The following ATCAY variants were observed in gnomAD, a reference collection of about 807,000 sequenced individuals.
ATCAY encodes caytaxin.
Under a neutral mutation model 47.7 loss-of-function variants are expected in ATCAY, and 22 were observed. The ratio of observed to expected loss-of-function variants is 0.46; its 90% CI spans 0.33 to 0.66. ATCAY has a LOEUF of 0.66. ATCAY is among the 30% of genes least tolerant of loss of function. The probability of loss-of-function intolerance (pLI) is 0.02; values close to 1 mark genes in which losing one functional copy is unlikely to be tolerated. For synonymous variants in ATCAY, 216 were observed against 207.6 expected (o/e 1.04, Z -0.35); for missense variants, 452 against 515.0 (o/e 0.88, Z 1.18).
Position 3,907,928 on chromosome 19 carries a change from C to T in ATCAY, c.544+9C>T, listed in dbSNP as rs778862917. ...AGTGGTCACCCACGGAGGTGAGACC[C>T]GCCCCCCGGTGCCCCCTTGGGGCTC... is the stretch of plus-strand genomic sequence containing the variant. On this transcript the variant is annotated intron_variant, in intron 5 of 12. Coordinates refer to ENST00000450849, the MANE Select transcript of ATCAY (RefSeq NM_033064.5). This position sits in a 1 kb window ranked among gnomAD's most constrained non-coding sequence, Gnocchi z 5.1. 39 of 1,611,104 alleles carry T rather than the reference C, an allele frequency of 2.4e-5. No homozygotes were observed. Among genetic ancestry groups the T allele is most frequent in the Admixed American group, 1.3e-4 (8 of 59,394 alleles).
In ATCAY at chr19:3,907,832, C is replaced by G; in HGVS notation, c.457C>G (p.Leu153Val). The G allele has an allele frequency of 6.2e-6, 10 of 1,613,966 alleles. No homozygotes were observed. Among genetic ancestry groups the G allele is most frequent in the Non-Finnish European group, 8.5e-6 (10 of 1,179,860 alleles). Reference protein sequence around the residue: ...TEDGSAANGRLWRTVIIGEQE... With the variant: ...TEDGSAANGRVWRTVIIGEQE... ...GGACGGCAGCGCCGCCAACGGGCGC[C>G]TGTGGCGGACAGTGATCATCGGGGA... is the stretch of plus-strand genomic sequence containing the variant. Residue 153 changes from leucine to valine, a missense_variant, in exon 5 of 13, where the codon CTG (leucine) becomes GTG (valine). Leu to Val is a conservative substitution (Grantham distance 32). Coordinates refer to ENST00000450849, the MANE Select transcript of ATCAY (RefSeq NM_033064.5). The surrounding 1 kb of genome is among the most constrained non-coding windows in gnomAD (Gnocchi z 5.1).
intron 2 of ATCAY, among the ~76,000 whole-genome samples, chr19:3,894,228 T>C (rs1352285747): frequency 2.6e-5 from 4 of 151,978 alleles, no homozygotes; most frequent in Non-Finnish European, 5.9e-5. Flanking sequence ...CTCACGTCTG[T>C]AATCCCAGCA....
At chr19:3,922,590 C>T (rs2039030483) in intron 12 of ATCAY, among the ~76,000 whole-genome samples, 1 of 152,130 alleles carries the variant, frequency 6.6e-6, no homozygotes, top group South Asian at 2.1e-4. Flanking sequence ...TATCAGTTAG[C>T]ATAGACTATC....
chr19:3,913,827 A>G lies in ATCAY; in HGVS notation c.936A>G (p.Glu312=), dbSNP rs377597493. Residue 312 remains glutamate (E), a synonymous_variant, in exon 9 of 13, where the codon GAA becomes GAG. Transcript: ENST00000450849. ...ACCTGGAGCAACTCATCCCTATGGA[A>G]CACGTCCAGATCCCAGACTGCGTCC... ...LEDLEQLIPM[E]HVQIPDCVLQ... The G allele has an allele frequency of 1.9e-5, 31 of 1,613,696 alleles. No individual in the cohort carries two copies. Among genetic ancestry groups the G allele is most frequent in the Non-Finnish European group, 2.5e-5 (30 of 1,179,854 alleles).
chr19:3,917,947 T>C (rs1466077491), intron 10 of ATCAY, among the ~76,000 whole-genome samples, 170 bp downstream of exon 10: 4 of 152,132 alleles, frequency 2.6e-5, no homozygotes, highest in Non-Finnish European at 4.4e-5. Flanking sequence ...TGGGTTCAAA[T>C]ACTGGCTCCC....
At chr19:3,917,611 G>GGAA (rs371877491) in intron 9 of ATCAY, 131 bp from the exon 10 acceptor site, 2 of 481,826 alleles carry the variant, frequency 4.2e-6, no homozygotes, top group Admixed American at 8.8e-5. Context: ...AAAAAAAAAA[G>GGAA]GAAGAAGAAG....
chr19:3,895,577 C>T (rs147578529), intron 2 of ATCAY, among the ~76,000 whole-genome samples: 1,981 of 152,132 alleles, frequency 0.013, 15 homozygotes, highest in East Asian at 0.043. Flanking sequence ...AGACTCGTAG[C>T]GCTGGATGGA....
intron 3 of ATCAY, among the ~76,000 whole-genome samples, chr19:3,905,204 T>C (rs1472928182): frequency 6.6e-6 from 1 of 151,994 alleles, no homozygotes; most frequent in Non-Finnish European, 1.5e-5. Context: ...CAAGCATCCA[T>C]CCCCTTAATC....
chr19:3,922,404 G>A (rs576546435), intron 12 of ATCAY, among the ~76,000 whole-genome samples: 32 of 152,254 alleles, frequency 2.1e-4, no homozygotes, highest in African/African-American at 7.5e-4. Context: ...GCTGAGCAAA[G>A]GGGGGAAAGC....
chr19:3,916,177 G>A (rs1470058860), intron 9 of ATCAY, among the ~76,000 whole-genome samples: 1 of 152,170 alleles, frequency 6.6e-6, no homozygotes, highest in Non-Finnish European at 1.5e-5. Context: ...GTCTCTCACT[G>A]AGCGTGACAT....
At chr19:3,919,278 T>G (rs1038647195) in intron 11 of ATCAY, among the ~76,000 whole-genome samples, 7 of 142,686 alleles carry the variant, frequency 4.9e-5, no homozygotes, top group African/African-American at 1.8e-4. Flanking sequence ...CTCAAAAAAA[T>G]AAATAAACAA....
At chr19:3,919,965 C>T (rs747023513) in intron 11 of ATCAY, among the ~76,000 whole-genome samples, 6 of 152,142 alleles carry the variant, frequency 3.9e-5, no homozygotes, top group Admixed American at 6.6e-5. Flanking sequence ...TCATTTGTTA[C>T]GCAGCAGATG....
chr19:3,918,997 G>T, intron 11 of ATCAY, 120 bp downstream of exon 11: 1 of 1,242,204 alleles, frequency 8.1e-7, no homozygotes, highest in Non-Finnish European at 1.2e-6. Flanking sequence ...GAACTAAGTG[G>T]CCGGCCATGG....
intron 4 of ATCAY, 116 bp downstream of exon 4, chr19:3,905,771 T>A (rs2038854889): frequency 1.1e-6 from 1 of 914,218 alleles, no homozygotes; most frequent in African/African-American, 1.7e-5. Flanking sequence ...CTCTAAGCAG[T>A]CTAGCCTTAA....
chr19:3,902,347 A>G (rs555333248), intron 2 of ATCAY, 140 bp from the exon 3 acceptor site: 141 of 768,704 alleles, frequency 1.8e-4, no homozygotes, highest in African/African-American at 1.8e-3. Context: ...ATTTAGGTCC[A>G]GTGATTCTCC....
rs747947019 is a variant in ATCAY, at chr19:3,913,773, C to A, written c.882C>A (p.Asn294Lys). The change falls in exon 9 of 13, where the codon AAC (asparagine) becomes AAA (lysine). Residue 294 changes from asparagine (N) to lysine (K), a missense_variant. Transcript: ENST00000450849. ...SRPFISVKFI[N>K]KIQYVHSLED... ...CCCCCGCCAGCGTCAAGTTCATCAA[C>A]AAGATCCAGTACGTGCACAGCTTGG... 6.2e-7 allele frequency: 1 copy of A among 1,613,866 alleles called. No homozygotes were observed. Among genetic ancestry groups the A allele is most frequent in the Non-Finnish European group, 8.5e-7 (1 of 1,179,828 alleles).
Position 3,905,539 on chromosome 19 carries a change from C to G in ATCAY, c.242C>G (p.Ser81Cys). 6.2e-7 allele frequency: 1 copy of G among 1,613,948 alleles called. No homozygotes were observed. Among genetic ancestry groups the G allele is most frequent in the Non-Finnish European group, 8.5e-7 (1 of 1,179,884 alleles). ...GATCAGAGTGAGGGGTCCCTGCTGT[C>G]CGATGACTTCTTGGATACCCCTGAT... ...SLDQSEGSLL[S>C]DDFLDTPDDL... Residue 81 changes from serine to cysteine, a missense_variant, in exon 4 of 13, where the codon TCC becomes TGC. Transcript: ENST00000450849.
In ATCAY at chr19:3,920,829, G is replaced by A. The variant is rs757508795; in HGVS notation, c.1106+31G>A. 8 of 1,612,644 alleles carry A rather than the reference G, an allele frequency of 5.0e-6. No individual in the cohort carries two copies. In the Admixed American group the frequency reaches 1.0e-4, roughly 20 times the overall value. The stretch of plus-strand genomic sequence containing the variant: ...TGTGATGCAGAGTGGTCTTCGTGCT[G>A]TTTTCAAAATGTCCTTCATGGACCT... On this transcript the variant is annotated intron_variant, in intron 12 of 12. Transcript: ENST00000450849.
intron 2 of ATCAY, among the ~76,000 whole-genome samples, chr19:3,887,782 T>C: frequency 7.1e-6 from 1 of 140,094 alleles, no homozygotes; most frequent in Non-Finnish European, 1.5e-5. Context: ...CATCGCGCCC[T>C]ACCACCTGTC....
Sources: allele counts gnomAD v4.1 joint callset (sites outside exome capture counted in the v4.1 genomes callset), GRCh38; gene constraint gnomAD v4.1.1; non-coding constraint Gnocchi (gnomAD v3.1); transcripts MANE v1.5; gene names NCBI Gene and HGNC (gene_info 2026-07-23, HGNC 2026-07-21).